DDHD1: variants seen among roughly 807,000 people sequenced by gnomAD.
DDHD1 encodes phospholipase DDHD1.
A neutral mutation model predicts 96.4 loss-of-function variants in DDHD1; 49 were observed. The ratio of observed to expected loss-of-function variants is 0.51; its 90% confidence interval spans 0.40 to 0.64. The LOEUF (loss-of-function observed/expected upper bound fraction) is 0.64, where lower values mean the gene tolerates loss of function less well. DDHD1 is among the 30% of genes least tolerant of loss of function. The pLI, the probability that DDHD1 is intolerant of heterozygous loss-of-function variation, is 0.00. For synonymous variants in DDHD1, 442 were observed against 446.5 expected, an observed-to-expected ratio of 0.99 and a Z score of 0.13; for missense variants, 1,106 against 1,161.2, an observed-to-expected ratio of 0.95 and a Z score of 0.69.
chr14:53,074,488 A>C (rs1884785733), intron 4 of DDHD1, among the ~76,000 whole-genome samples: 1 of 151,932 alleles, frequency 6.6e-6, no homozygotes, highest in South Asian at 2.1e-4. Flanking sequence ...CTAAAATATA[A>C]GAAAAACATA....
intron 4 of DDHD1, among the ~76,000 whole-genome samples, chr14:53,086,451 C>A (rs1229294219): frequency 6.6e-6 from 1 of 152,204 alleles, no homozygotes. Flanking sequence ...AATGGCGGAT[C>A]TCTCGGCAGA....
intron 1 of DDHD1, among the ~76,000 whole-genome samples, chr14:53,125,262 C>T (rs1889338226): frequency 6.6e-6 from 1 of 152,140 alleles, no homozygotes. Flanking sequence ...GACTTTAAAT[C>T]ACAGGCCATT....
In DDHD1 at chr14:53,055,771, C is replaced by T; in HGVS notation, c.2134G>A (p.Val712Ile). The change falls in exon 10 of 13, where the codon GTT becomes ATT. Residue 712 changes from valine to isoleucine, a missense_variant. Around this residue, in one of 2 missense-constraint regions of DDHD1, gnomAD observed 650 missense variants for 758.8 expected, o/e 0.86. Transcript: ENST00000673822. ...GTTGAAATGCCTTCATTCTCTGAAACTGAGGTAGGTTCTTTAGCTGGGTTG... is the reference window on the plus strand; with the variant it reads ...GTTGAAATGCCTTCATTCTCTGAAATTGAGGTAGGTTCTTTAGCTGGGTTG... The part of the protein sequence containing the change: ...FLNPAKEPTS[V>I]SENEGISTIP... The T allele has an allele frequency of 6.2e-7, 1 of 1,614,068 alleles. No homozygotes were observed. The highest frequency in any genetic ancestry group is 8.5e-7 in the Non-Finnish European group (1 of 1,180,008).
intron 1 of DDHD1, among the ~76,000 whole-genome samples, chr14:53,127,614 A>AC (rs1889548714): frequency 6.6e-6 from 1 of 152,196 alleles, no homozygotes; most frequent in Admixed American, 6.5e-5. Context: ...AGAACTAAAC[A>AC]CCATTTTCCC....
intron 6 of DDHD1, among the ~76,000 whole-genome samples, chr14:53,064,785 G>A (rs1450796772): frequency 6.6e-6 from 1 of 151,936 alleles, no homozygotes; most frequent in Non-Finnish European, 1.5e-5. Flanking sequence ...AGACATCTAT[G>A]GTCAGACATT....
chr14:53,077,633 G>C (rs1885081033), intron 4 of DDHD1, among the ~76,000 whole-genome samples: 1 of 147,782 alleles, frequency 6.8e-6, no homozygotes, highest in Admixed American at 6.7e-5. Flanking sequence ...ATCTCTCCAA[G>C]TTGCTTTTGA....
In DDHD1 at chr14:53,103,137, T is replaced by C. The variant is rs1440321420; in HGVS notation, c.1012+546A>G. On this transcript the variant is annotated intron_variant, in intron 2 of 12. Transcript: ENST00000673822. ...AAGATTTAGACACACAATGAAAATGTGGCAATCTTAGCTACTATACAGTAT... is the reference window on the plus strand; with the variant it reads ...AAGATTTAGACACACAATGAAAATGCGGCAATCTTAGCTACTATACAGTAT... The C allele has an allele frequency of 5.7e-6, 8 of 1,391,766 alleles. No individual in the cohort carries two copies. The East Asian group carries it at 2.0e-4, about 35-fold the overall frequency. The allele number at this position is 1,391,766 out of a possible 1,614,324, so 86.2% of individuals were successfully genotyped here.
intron 1 of DDHD1, among the ~76,000 whole-genome samples, chr14:53,118,186 T>G (rs1417447487): frequency 6.6e-6 from 1 of 152,006 alleles, no homozygotes; most frequent in Non-Finnish European, 1.5e-5. Context: ...CAAAGGTAGA[T>G]AAAACCACAA....
intron 5 of DDHD1, among the ~76,000 whole-genome samples, chr14:53,073,226 A>G (rs1172560877): frequency 6.6e-6 from 1 of 152,032 alleles, no homozygotes; most frequent in Non-Finnish European, 1.5e-5. Flanking sequence ...AACTAAACTG[A>G]TTTTATTTAA....
At chr14:53,125,879 C>G (rs1053644588) in intron 1 of DDHD1, among the ~76,000 whole-genome samples, 1 of 151,852 alleles carries the variant, frequency 6.6e-6, no homozygotes, top group South Asian at 2.1e-4. Context: ...TTTTTTGTAT[C>G]TTTAGTAGAG....
intron 9 of DDHD1, among the ~76,000 whole-genome samples, chr14:53,057,581 T>C (rs1453796221): frequency 6.6e-6 from 1 of 152,192 alleles, no homozygotes; most frequent in African/African-American, 2.4e-5. Flanking sequence ...TAAAAAAGTA[T>C]TTAGAGCAGG....
rs67581961 is a variant in DDHD1, at chr14:53,083,157, A to ATT, written c.1289+8626_1289+8627dup. Reference sequence around the variant, plus strand: ...TCTTGTCACTATTGTTTATTCTCCCATTTTTTTTCTGTACTTACGGGTTTA... The same window carrying ATT: ...TCTTGTCACTATTGTTTATTCTCCCATTTTTTTTTTCTGTACTTACGGGTTTA... On this transcript the variant is annotated intron_variant, in intron 4 of 12. Transcript: ENST00000673822. Among the ~76,000 whole-genome samples, 610 of 151,798 alleles carry ATT rather than the reference A, an allele frequency of 4.0e-3. 2 individuals carry two copies. The highest frequency in any genetic ancestry group is 0.017 in the Middle Eastern group (5 of 292).
rs1299315334 is a variant in DDHD1 at position 53,152,921 on chromosome 14, G to T, written c.178C>A (p.Arg60Ser). 2.5e-6 allele frequency: 4 copies of T among 1,607,060 alleles called. No individual in the cohort carries two copies. Among genetic ancestry groups the T allele is most frequent in the Non-Finnish European group, 3.4e-6 (4 of 1,177,512 alleles). The stretch of plus-strand genomic sequence containing the variant: ...GCCAAATGCAGCCCGGGTTCCCCGC[G>T]CAGCAGGGCCAGGGGCACGTCGCCG... ...DDGDVPLALLRGEPGLHLAPG... is the reference protein window; with the variant it reads ...DDGDVPLALLSGEPGLHLAPG... Residue 60 changes from arginine (R) to serine (S), a missense_variant, in exon 1 of 13, where the codon CGC becomes AGC. Physicochemically the swap from Arg to Ser is moderately radical, Grantham distance 110. This residue lies in a region of DDHD1 where 456 missense variants were observed against 402.4 expected (regional missense o/e 1.13). Transcript: ENST00000673822.
chr14:53,142,428 A>C (rs1211800419), intron 1 of DDHD1, among the ~76,000 whole-genome samples: 1 of 151,948 alleles, frequency 6.6e-6, no homozygotes, highest in African/African-American at 2.4e-5. Context: ...TCATAAGAAG[A>C]ATTGTGGGCC....
At chr14:53,127,597 A>G (rs1477351453) in intron 1 of DDHD1, among the ~76,000 whole-genome samples, 1 of 152,244 alleles carries the variant, frequency 6.6e-6, no homozygotes, top group Admixed American at 6.5e-5. Flanking sequence ...ATCCTCAGCC[A>G]TTTGGTAGAA....
intron 7 of DDHD1, chr14:53,061,406 G>A: frequency 2.3e-6 from 1 of 432,634 alleles, no homozygotes; most frequent in Non-Finnish European, 4.0e-6. Flanking sequence ...AGTACCGCTA[G>A]TTGTCATGAT....
intron 8 of DDHD1, among the ~76,000 whole-genome samples, chr14:53,059,492 A>G (rs1883352778): frequency 6.7e-6 from 1 of 149,776 alleles, no homozygotes; most frequent in South Asian, 2.2e-4. Flanking sequence ...TGATCCGCCC[A>G]CCTTAGCCTC....
rs569086676 is a variant in DDHD1, at chr14:53,042,463, T to C, written c.*4305A>G. On this transcript the variant is annotated 3_prime_UTR_variant, in exon 13 of 13. Transcript: ENST00000673822. ...GCCTTTCACTTCACTTTTCATGACC[T>C]TTACTGCTATTTAAATGCTGACATG... is the stretch of plus-strand genomic sequence containing the variant. 6.6e-6 allele frequency: 1 copy of C among 152,210 alleles called. No individual in the cohort carries two copies. The highest frequency in any genetic ancestry group is 2.4e-5 in the African/African-American group (1 of 41,452). The allele number at this position is 152,210 out of a possible 1,614,324, so 9.4% of individuals were successfully genotyped here.
At chr14:53,129,794 A>G (rs1165184515) in intron 1 of DDHD1, among the ~76,000 whole-genome samples, 1 of 152,206 alleles carries the variant, frequency 6.6e-6, no homozygotes, top group South Asian at 2.1e-4. Context: ...TTTCTTCTGC[A>G]ACACTGCTTG....
Sources: allele counts gnomAD v4.1 joint callset (sites outside exome capture counted in the v4.1 genomes callset), GRCh38; gene constraint gnomAD v4.1.1; regional missense constraint gnomAD v4.1.1; transcripts MANE v1.5; gene names NCBI Gene and HGNC (gene_info 2026-07-23, HGNC 2026-07-21).